THSD4: variants seen among roughly 807,000 people sequenced by gnomAD.
THSD4 encodes thrombospondin type 1 domain containing 4, also known as thrombospondin type-1 domain-containing protein 4.
THSD4 carries 69 observed loss-of-function variants against 119.0 expected under a neutral mutation model. The ratio of observed to expected loss-of-function variants is 0.58; its 90% CI spans 0.48 to 0.71. The LOEUF (loss-of-function observed/expected upper bound fraction) is 0.71. Among genes scored for constraint, THSD4 ranks in the 30% least tolerant of loss-of-function variants. The probability of loss-of-function intolerance (pLI) is 0.00; values close to 1 mark genes in which losing one functional copy is unlikely to be tolerated. For missense variants in THSD4, 1,393 were observed against 1,391.1 expected, an observed-to-expected ratio of 1.00 and a Z score of -0.02; for synonymous variants, 524 against 540.4, an observed-to-expected ratio of 0.97 and a Z score of 0.42.
At chr15:71,102,564 C>G (rs1320342521) in intron 1 of THSD4, among the ~76,000 whole-genome samples, 3 of 151,680 alleles carry the variant, frequency 2.0e-5, no homozygotes, top group African/African-American at 7.3e-5. Context: ...GTTTTTATAT[C>G]TTCCTTTTTT....
intron 3 of THSD4, among the ~76,000 whole-genome samples, chr15:71,195,846 A>G (rs1325340837): frequency 6.6e-6 from 1 of 152,184 alleles, no homozygotes; most frequent in African/African-American, 2.4e-5. Flanking sequence ...GACACTGTAC[A>G]ATGTGATATC....
intron 7 of THSD4, among the ~76,000 whole-genome samples, chr15:71,480,878 CTTCATTT>C (rs1203335049): frequency 6.6e-6 from 1 of 152,182 alleles, no homozygotes; most frequent in African/African-American, 2.4e-5. Context: ...CATAGTCTAT[CTTCATTT>C]TTCATTGTAA....
At chr15:71,560,349 G>C (rs1377688762) in intron 7 of THSD4, among the ~76,000 whole-genome samples, 1 of 152,132 alleles carries the variant, frequency 6.6e-6, no homozygotes, top group Non-Finnish European at 1.5e-5. Flanking sequence ...GCTATTTTTT[G>C]TGTCAAGTTT....
intron 7 of THSD4, among the ~76,000 whole-genome samples, chr15:71,605,203 C>T (rs2050086183): frequency 6.6e-6 from 1 of 152,190 alleles, no homozygotes; most frequent in Non-Finnish European, 1.5e-5. Flanking sequence ...CTGAAGTTGA[C>T]AGGGACCAGA....
intron 7 of THSD4, among the ~76,000 whole-genome samples, chr15:71,650,836 C>T (rs2051071154): frequency 6.6e-6 from 1 of 152,196 alleles, no homozygotes; most frequent in Admixed American, 6.5e-5. Context: ...CTCCACACCG[C>T]CTCCTGTTGT....
At chr15:71,368,356 G>A (rs1033736059) in intron 6 of THSD4, among the ~76,000 whole-genome samples, 3 of 152,136 alleles carry the variant, frequency 2.0e-5, no homozygotes, top group African/African-American at 7.2e-5. Context: ...TGAAGTCCTT[G>A]CCCATGCCTA....
In THSD4 at chr15:71,296,500, C is replaced by T. The variant is rs147153497; in HGVS notation, c.1015+39785C>T. On this transcript the variant is annotated intron_variant, in intron 6 of 17. Transcript: ENST00000261862. Reference sequence around the variant, plus strand: ...ATTAGTCTGTGCCTCTCGGGCAAGACGCACCTTCCTGCCAAGTCTCTCTGG... The same window carrying T: ...ATTAGTCTGTGCCTCTCGGGCAAGATGCACCTTCCTGCCAAGTCTCTCTGG... Among the ~76,000 whole-genome samples the T allele has an allele frequency of 5.8e-3, 879 of 152,286 alleles. 8 individuals carry two copies. Among genetic ancestry groups the T allele is most frequent in the African/African-American group, 0.02 (822 of 41,548 alleles).
intron 14 of THSD4, among the ~76,000 whole-genome samples, chr15:71,751,301 T>C (rs2141181353): frequency 6.6e-6 from 1 of 152,354 alleles, no homozygotes; most frequent in Middle Eastern, 3.4e-3. Flanking sequence ...ATTCTTTTTC[T>C]TAAAAATGTT....
chr15:71,728,771 C>A, intron 9 of THSD4, 47 bp downstream of exon 9: 1 of 1,602,990 alleles, frequency 6.2e-7, no homozygotes, highest in Non-Finnish European at 8.5e-7. Context: ...TGAATCTTGT[C>A]ACTTCTAAGG....
chr15:71,209,429 T>C (rs993725854), intron 3 of THSD4, among the ~76,000 whole-genome samples: 5 of 152,204 alleles, frequency 3.3e-5, no homozygotes, highest in Non-Finnish European at 7.3e-5. Context: ...TCAGAGAGTT[T>C]GTGTTAAAGT....
chr15:71,764,972 C>T, intron 15 of THSD4, 48 bp from the exon 16 acceptor site: 3 of 1,573,612 alleles, frequency 1.9e-6, no homozygotes, highest in East Asian at 2.3e-5. Context: ...GTAGCTGCCA[C>T]CCCCTTTCCA....
At chr15:71,372,073 G>C (rs908406606) in intron 6 of THSD4, among the ~76,000 whole-genome samples, 4 of 152,086 alleles carry the variant, frequency 2.6e-5, no homozygotes, top group Admixed American at 2.0e-4. Context: ...GATCGAATTG[G>C]TTACTGAAGC....
chr15:71,693,504 A>G (rs2052097571), intron 8 of THSD4, among the ~76,000 whole-genome samples: 1 of 152,074 alleles, frequency 6.6e-6, no homozygotes, highest in African/African-American at 2.4e-5. Context: ...AAAATTAGCC[A>G]GGTGTTGTAG....
intron 7 of THSD4, among the ~76,000 whole-genome samples, chr15:71,469,966 G>C (rs1200062185): frequency 6.6e-6 from 1 of 152,170 alleles, no homozygotes; most frequent in Non-Finnish European, 1.5e-5. Context: ...CAGAGGAGAT[G>C]TCCAAGCTGG....
chr15:71,534,108 T>A (rs921352801), intron 7 of THSD4, among the ~76,000 whole-genome samples: 2 of 152,046 alleles, frequency 1.3e-5, no homozygotes, highest in African/African-American at 4.8e-5. Context: ...CACAACACAC[T>A]TGGCTAGCTT....
At chr15:71,449,963 C>G (rs984946966) in intron 7 of THSD4, among the ~76,000 whole-genome samples, 15 of 152,108 alleles carry the variant, frequency 9.9e-5, no homozygotes, top group African/African-American at 3.6e-4. Context: ...AAACTACTTC[C>G]CATATTAAGG....
At chr15:71,760,178 C>CA (rs919864568) in intron 15 of THSD4, among the ~76,000 whole-genome samples, 94 of 152,258 alleles carry the variant, frequency 6.2e-4, no homozygotes, top group African/African-American at 1.8e-3. Flanking sequence ...ACATGTGATC[C>CA]AACAGGTGGA....
chr15:71,691,920 G>A (rs1294025263), intron 8 of THSD4, among the ~76,000 whole-genome samples: 3 of 152,272 alleles, frequency 2.0e-5, no homozygotes, highest in Non-Finnish European at 2.9e-5. Context: ...CAAGATTCCC[G>A]AAGATCAAGC....
chr15:71,530,703 C>T (rs552026958), intron 7 of THSD4, among the ~76,000 whole-genome samples: 50 of 152,204 alleles, frequency 3.3e-4, no homozygotes, highest in African/African-American at 1.2e-3. Context: ...GAATCTCACC[C>T]TGAAGAGATG....
Sources: allele counts gnomAD v4.1 joint callset (sites outside exome capture counted in the v4.1 genomes callset), GRCh38; gene constraint gnomAD v4.1.1; transcripts MANE v1.5; gene names NCBI Gene and HGNC (gene_info 2026-07-23, HGNC 2026-07-21).